The following ACAN variants were observed in gnomAD, a reference collection of about 807,000 sequenced individuals.
ACAN encodes aggrecan core protein.
A neutral mutation model predicts 169.1 loss-of-function variants in ACAN; 47 were observed. The observed-to-expected ratio is 0.28, with a 90% confidence interval of 0.22 to 0.35. The LOEUF is 0.35. Among genes scored for constraint, ACAN ranks in the 10% least tolerant of loss-of-function variants. The pLI is 1.00. For synonymous variants in ACAN, 1,115 were observed against 1,112.2 expected (o/e 1.00, Z -0.05); for missense variants, 2,716 against 2,759.9 (o/e 0.98, Z 0.36).
chr15:88,864,130 T>C (rs1897245596), intron 13 of ACAN, among the ~76,000 whole-genome samples: 1 of 152,216 alleles, frequency 6.6e-6, no homozygotes, highest in Non-Finnish European at 1.5e-5. Flanking sequence ...TGAGCCATGG[T>C]TGTGCCACTG....
At chr15:88,836,349 C>G in intron 2 of ACAN, 73 bp downstream of exon 2, 1 of 1,282,242 alleles carries the variant, frequency 7.8e-7, no homozygotes, top group African/African-American at 1.5e-5. Flanking sequence ...GGGTACTGAA[C>G]CTGGTGCTAC....
At position 88,814,146 on chromosome 15, in the gene ACAN, A is replaced by G. The variant is rs986452468; in HGVS notation, c.-8+10337A>G. 6.6e-6 allele frequency among the ~76,000 whole-genome samples: 1 copy of G among 152,212 alleles called. No homozygotes were observed. The highest frequency in any genetic ancestry group is 2.4e-5 in the African/African-American group (1 of 41,444). On this transcript the variant is annotated intron_variant, in intron 1 of 18. Coordinates refer to ENST00000560601, the MANE Select transcript of ACAN (RefSeq NM_001369268.1). This position sits in a 1 kb window ranked among gnomAD's most constrained non-coding sequence, Gnocchi z 4.0. ...CCCTCATCAGCAGTGTGACCTTGAC[A>G]GAGTTGATTAGTCTTGCTGTGCCTC...
rs1013804687 is a variant in ACAN at position 88,840,245 on chromosome 15, G to T, written c.629+59G>T. Reference sequence around the variant, plus strand: ...GAGTCAGCAGCCACAGGGGAGTGGGGCGGGTGCTGGGTGGAACGTTGGCCA... The same window carrying T: ...GAGTCAGCAGCCACAGGGGAGTGGGTCGGGTGCTGGGTGGAACGTTGGCCA... On this transcript the variant is annotated intron_variant, in intron 4 of 18. Coordinates refer to ENST00000560601, the MANE Select transcript of ACAN (RefSeq NM_001369268.1). The T allele has an allele frequency of 2.0e-5, 30 of 1,496,602 alleles. No homozygotes were observed. In the South Asian group the frequency reaches 2.5e-4, roughly 13 times the overall value. The allele number at this position is 1,496,602 out of a possible 1,614,324, so 92.7% of individuals were successfully genotyped here.
chr15:88,811,252 C>G (rs1221261317), intron 1 of ACAN, among the ~76,000 whole-genome samples: 2 of 152,228 alleles, frequency 1.3e-5, no homozygotes, highest in Non-Finnish European at 2.9e-5. Context: ...TTGGAAATCA[C>G]CAAGTTTTTC....
intron 12 of ACAN, 44 bp from the exon 13 acceptor site, chr15:88,860,282 G>A (rs1897167370): frequency 7.0e-7 from 1 of 1,435,038 alleles, no homozygotes; most frequent in African/African-American, 1.4e-5. Flanking sequence ...TGGTAGCCAG[G>A]TGACTGTGTT....
chr15:88,835,211 T>G (rs1467937671), intron 1 of ACAN, among the ~76,000 whole-genome samples: 1 of 152,190 alleles, frequency 6.6e-6, no homozygotes, highest in African/African-American at 2.4e-5. Context: ...GCCTGAAACC[T>G]TGGAGGCTAG....
Position 88,872,124 on chromosome 15 carries a change from CAG to C in ACAN, c.7302+40_7302+41del, listed in dbSNP as rs1897395607. The C allele has an allele frequency of 5.7e-6, 9 of 1,573,280 alleles. No individual in the cohort carries two copies. Among genetic ancestry groups the C allele is most frequent in the Non-Finnish European group, 7.0e-6 (8 of 1,143,200 alleles). ...TAGGCACAGCTGGTGGCCCAGGGGA[CAG>C]GGAGTGGGATAGAGACCCCTGGAGA... is the stretch of plus-strand genomic sequence containing the variant. On this transcript the variant is annotated intron_variant, in intron 16 of 18. Coordinates refer to ENST00000560601, the MANE Select transcript of ACAN (RefSeq NM_001369268.1). This position sits in a 1 kb window ranked among gnomAD's most constrained non-coding sequence, Gnocchi z 5.4.
intron 1 of ACAN, among the ~76,000 whole-genome samples, chr15:88,806,170 T>G (rs1419141768): frequency 6.6e-6 from 1 of 152,214 alleles, no homozygotes; most frequent in Non-Finnish European, 1.5e-5. Context: ...GAGATTTTTG[T>G]GAAGATTAAA....
At chr15:88,820,068 T>C (rs1227595812) in intron 1 of ACAN, among the ~76,000 whole-genome samples, 1 of 152,168 alleles carries the variant, frequency 6.6e-6, no homozygotes, top group East Asian at 1.9e-4. Flanking sequence ...CCCAGGACTA[T>C]TGTGAGCATT....
At chr15:88,831,172 C>G (rs1212661414) in intron 1 of ACAN, among the ~76,000 whole-genome samples, 1 of 152,240 alleles carries the variant, frequency 6.6e-6, no homozygotes, top group Non-Finnish European at 1.5e-5. Flanking sequence ...AAAATGGACT[C>G]TGGCCGGCTG....
chr15:88,840,994 A>AC (rs1693213985), intron 4 of ACAN, among the ~76,000 whole-genome samples: 1 of 151,954 alleles, frequency 6.6e-6, no homozygotes, highest in Admixed American at 6.5e-5. Flanking sequence ...AAATACAAAA[A>AC]ATTAGCCAGG....
chr15:88,809,154 T>C (rs1453350128), intron 1 of ACAN, among the ~76,000 whole-genome samples: 1 of 152,178 alleles, frequency 6.6e-6, no homozygotes, highest in Non-Finnish European at 1.5e-5. Context: ...AAGTCCCCAC[T>C]ATGGAAAATT....
At chr15:88,816,769 G>A (rs1285547661) in intron 1 of ACAN, among the ~76,000 whole-genome samples, 2 of 152,174 alleles carry the variant, frequency 1.3e-5, no homozygotes, top group Non-Finnish European at 2.9e-5. Context: ...CATGGATCAA[G>A]GTATGTGTGT....
Position 88,857,755 on chromosome 15 carries a change from G to C in ACAN, c.5170G>C (p.Asp1724His), listed in dbSNP as rs1165463039. Residue 1724 changes from aspartate (D) to histidine (H), a missense_variant, in exon 12 of 19, where the codon GAT becomes CAT. Physicochemically the swap from Asp to His is moderately conservative, Grantham distance 81 (BLOSUM62 -1). Around this residue, in one of 3 missense-constraint regions of ACAN, gnomAD observed 1,389 missense variants for 1,363.7 expected, o/e 1.02. Coordinates refer to ENST00000560601, the MANE Select transcript of ACAN (RefSeq NM_001369268.1). ...ELSGQASGSP[D>H]VSGEIPGLFG... ...CAGTGGCCAAGCATCTGGGTCTCCT[G>C]ATGTCAGTGGGGAAATACCTGGACT... 6.2e-7 allele frequency: 1 copy of C among 1,614,020 alleles called. No homozygotes were observed. Among genetic ancestry groups the C allele is most frequent in the Middle Eastern group, 1.6e-4 (1 of 6,062 alleles).
rs956260638 is a variant in ACAN at position 88,861,075 on chromosome 15, G to T, written c.6946+636G>T. 6.6e-6 allele frequency among the ~76,000 whole-genome samples: 1 copy of T among 152,162 alleles called. No individual in the cohort carries two copies. Among genetic ancestry groups the T allele is most frequent in the Non-Finnish European group, 1.5e-5 (1 of 68,012 alleles). ...GGAGAGGCTGGGGACCCTCTGATCT[G>T]AGGTGGACCCCGGAAGGAGATGGTT... On this transcript the variant is annotated intron_variant, in intron 13 of 18. Coordinates refer to ENST00000560601, the MANE Select transcript of ACAN (RefSeq NM_001369268.1). The surrounding 1 kb of genome is among the most constrained non-coding windows in gnomAD (Gnocchi z 6.3).
At position 88,866,979 on chromosome 15, in the gene ACAN, G is replaced by A. The variant is rs1184522405; in HGVS notation, c.6947-1237G>A. ...AGTATCTTCAAACCAATGTCATGGT[G>A]CCCCATAGCCAGTGGAACCCACTCA... On this transcript the variant is annotated intron_variant, in intron 13 of 18. Coordinates refer to ENST00000560601, the MANE Select transcript of ACAN (RefSeq NM_001369268.1). This position sits in a 1 kb window ranked among gnomAD's most constrained non-coding sequence, Gnocchi z 5.6. 6.6e-6 allele frequency among the ~76,000 whole-genome samples: 1 copy of A among 152,176 alleles called. No individual in the cohort carries two copies. Among genetic ancestry groups the A allele is most frequent in the Non-Finnish European group, 1.5e-5 (1 of 68,034 alleles).
In ACAN at chr15:88,874,061, T is replaced by A. The variant is rs1444291357; in HGVS notation, c.7630+37T>A. On this transcript the variant is annotated intron_variant, in intron 18 of 18. Transcript: ENST00000560601. This position sits in a 1 kb window ranked among gnomAD's most constrained non-coding sequence, Gnocchi z 7.3. ...CCCGGCCATCTCGCTGAGCACAGGG[T>A]TAGATTCTGCCAGCACAGCCTTCCC... The A allele has an allele frequency of 1.2e-6, 2 of 1,601,564 alleles. No homozygotes were observed. The highest frequency in any genetic ancestry group is 1.7e-6 in the Non-Finnish European group (2 of 1,178,956).
chr15:88,811,364 C>A (rs965472063), intron 1 of ACAN, among the ~76,000 whole-genome samples: 1 of 152,154 alleles, frequency 6.6e-6, no homozygotes, highest in African/African-American at 2.4e-5. Flanking sequence ...GAGCCTGCAG[C>A]AGGAATACAG....
rs113920933 is a variant in ACAN at position 88,843,904 on chromosome 15, G to A, written c.1051+256G>A. ...GACGAGGCTTAAAAACCTCCAAACT[G>A]TTTTCTCCAGTTTGAATCAAAGCTC... On this transcript the variant is annotated intron_variant, in intron 6 of 18. Transcript: ENST00000560601. The surrounding 1 kb of genome is among the most constrained non-coding windows in gnomAD (Gnocchi z 4.0). 2.6e-5 allele frequency among the ~76,000 whole-genome samples: 4 copies of A among 152,094 alleles called. No homozygotes were observed. Among genetic ancestry groups the A allele is most frequent in the Non-Finnish European group, 5.9e-5 (4 of 68,026 alleles).
Sources: gnomAD v4.1 joint callset for allele counts (sites outside exome capture counted in the v4.1 genomes callset) on GRCh38, gnomAD v4.1.1 for gene constraint, gnomAD v4.1.1 regional missense constraint, Gnocchi (gnomAD v3.1) non-coding constraint, MANE v1.5 for transcripts, NCBI Gene and HGNC (gene_info 2026-07-23, HGNC 2026-07-21) for gene names.